Variants in DMD observed in about 807,000 individuals in gnomAD.
DMD encodes the protein mutant dystrophin.
In DMD, 63 loss-of-function variants were observed where a neutral mutation model predicts 330.1. That is an observed-to-expected ratio of 0.19 (90% confidence interval 0.16 to 0.24). The LOEUF (loss-of-function observed/expected upper bound fraction) is 0.24, where lower values mean the gene tolerates loss of function less well. Ranked by LOEUF, DMD falls within the 10% of genes least tolerant of loss-of-function variation. DMD has a pLI of 1.00. For synonymous variants in DMD, 1,223 were observed against 959.8 expected (o/e 1.27, Z -5.07); for missense variants, 3,344 against 2,684.1 (o/e 1.25, Z -5.43).
chrX:31,743,197 A>G (rs1050745752), intron 51 of DMD, among the ~76,000 whole-genome samples: 5 of 112,356 alleles, frequency 4.5e-5, no homozygotes, highest in African/African-American at 1.6e-4. Flanking sequence ...CAAAAAAATG[A>G]CAGATGCTGC....
chrX:32,295,119 A>C (rs1013871755), intron 42 of DMD, among the ~76,000 whole-genome samples: 8 of 111,877 alleles, frequency 7.2e-5, no homozygotes, highest in Non-Finnish European at 1.5e-4. Flanking sequence ...CCACTTCACT[A>C]TTCCGCTGAA....
intron 44 of DMD, among the ~76,000 whole-genome samples, chrX:32,067,766 C>A (rs2096269247): frequency 8.9e-6 from 1 of 111,867 alleles, no homozygotes; most frequent in African/African-American, 3.2e-5. Context: ...TTGACGGACA[C>A]CTATGTTGAT....
chrX:32,558,933 A>ATTTT (rs1569199318), intron 16 of DMD, among the ~76,000 whole-genome samples: 6 of 64,315 alleles, frequency 9.3e-5, no homozygotes, highest in Non-Finnish European at 1.1e-4. Context: ...GTAACTTCAA[A>ATTTT]TTTTCTTTTT....
At chrX:32,389,402 T>C (rs1291668810) in intron 32 of DMD, 99 bp downstream of exon 32, 2 of 933,866 alleles carry the variant, frequency 2.1e-6, no homozygotes, top group African/African-American at 2.0e-5. Flanking sequence ...GTATAATTAT[T>C]ATGGTTATCT....
intron 14 of DMD, 48 bp from the exon 15 acceptor site, chrX:32,573,685 A>G (rs748863056): frequency 8.4e-7 from 1 of 1,196,115 alleles, no homozygotes; most frequent in East Asian, 3.0e-5. Flanking sequence ...ATAAATCTTT[A>G]CTTTTCCAAT....
intron 44 of DMD, among the ~76,000 whole-genome samples, chrX:32,068,393 T>TTTTTTTTTTTA (rs2096274604): frequency 1.1e-5 from 1 of 95,200 alleles, no homozygotes; most frequent in African/African-American, 4.3e-5. Flanking sequence ...TTTTTTTTTT[T>TTTTTTTTTTTA]TTTGCAATTG....
chrX:33,054,068 T>C (rs1293951952), intron 1 of DMD, among the ~76,000 whole-genome samples: 1 of 111,841 alleles, frequency 8.9e-6, no homozygotes, highest in Non-Finnish European at 1.9e-5. Context: ...GAAGGGAACG[T>C]GGCAAATAAA....
intron 4 of DMD, among the ~76,000 whole-genome samples, chrX:32,830,287 CTCTTT>C (rs896052502): frequency 1.8e-5 from 2 of 111,289 alleles, no homozygotes; most frequent in African/African-American, 3.3e-5. Flanking sequence ...ACAGTAACTT[CTCTTT>C]TATGTTTTTT....
At chrX:31,626,011 G>A (rs1204246749) in intron 55 of DMD, among the ~76,000 whole-genome samples, 1 of 110,937 alleles carries the variant, frequency 9.0e-6, no homozygotes, top group Non-Finnish European at 1.9e-5. Flanking sequence ...TTGAGATGAA[G>A]TCTCACTTTG....
At chrX:32,868,964 C>A (rs1430573102) in intron 2 of DMD, among the ~76,000 whole-genome samples, 2 of 111,652 alleles carry the variant, frequency 1.8e-5, no homozygotes, top group Non-Finnish European at 3.8e-5. Flanking sequence ...CCACCCCCAA[C>A]AGCAGTCGCT....
At chrX:32,028,040 G>T (rs1299624162) in intron 44 of DMD, among the ~76,000 whole-genome samples, 1 of 112,246 alleles carries the variant, frequency 8.9e-6, no homozygotes, top group East Asian at 2.8e-4. Flanking sequence ...GAGAGGGAGG[G>T]AGAGCCAGTG....
intron 1 of DMD, among the ~76,000 whole-genome samples, chrX:33,230,135 A>ATC (rs200657775): frequency 0.033 from 3,749 of 112,408 alleles, 164 homozygotes; most frequent in African/African-American, 0.11. Flanking sequence ...CCATATGTGT[A>ATC]TGATGTTGAA....
intron 1 of DMD, among the ~76,000 whole-genome samples, chrX:33,246,916 C>A (rs1258393638): frequency 9.0e-6 from 1 of 110,828 alleles, no homozygotes; most frequent in Non-Finnish European, 1.9e-5. Context: ...GAACTCCTGA[C>A]CTCATGATCT....
intron 45 of DMD, among the ~76,000 whole-genome samples, chrX:31,967,297 GGTGTGTGTGTGTGTGT>G (rs746437287): frequency 0.19 from 14,299 of 74,427 alleles, 1,227 homozygotes; most frequent in African/African-American, 0.3. Flanking sequence ...TTTGGCAAGG[GGTGTGTGTGTGTGTGT>G]GTGTGTGTGT....
chrX:31,189,361 G>C (rs1256981069), intron 67 of DMD, among the ~76,000 whole-genome samples: 2 of 111,102 alleles, frequency 1.8e-5, no homozygotes, highest in Non-Finnish European at 3.8e-5. Context: ...TTTTGCTGTT[G>C]AGATACAGCA....
Position 31,146,425 on chromosome X carries a change from C to G in DMD, c.10798-11G>C. ...GGCCTCTGCCTGGGGCTAAGTCATC[C>G]AAAAGAAAACAGAATTACTTTTCAT... On this transcript the variant is annotated splice_polypyrimidine_tract_variant and intron_variant, in intron 75 of 78. Coordinates refer to ENST00000357033, the MANE Select transcript of DMD (RefSeq NM_004006.3). 8.3e-7 allele frequency: 1 copy of G among 1,203,890 alleles called. No homozygotes were observed. Among genetic ancestry groups the G allele is most frequent in the Non-Finnish European group, 1.1e-6 (1 of 889,871 alleles).
chrX:31,513,483 G>A (rs1430047308), intron 55 of DMD, among the ~76,000 whole-genome samples: 1 of 110,945 alleles, frequency 9.0e-6, no homozygotes, highest in Non-Finnish European at 1.9e-5. Context: ...TTGATATGGA[G>A]AATCAAGTGG....
At chrX:32,279,029 A>C (rs1481534722) in intron 43 of DMD, among the ~76,000 whole-genome samples, 6 of 112,319 alleles carry the variant, frequency 5.3e-5, no homozygotes, top group Non-Finnish European at 9.4e-5. Context: ...TCTCAAAAGA[A>C]GACATACAAA....
intron 9 of DMD, among the ~76,000 whole-genome samples, chrX:32,662,757 A>G (rs1325288308): frequency 8.9e-6 from 1 of 111,952 alleles, no homozygotes; most frequent in African/African-American, 3.2e-5. Context: ...CAAAGGATGG[A>G]AAGGCTGCAG....
Sources: gnomAD v4.1 joint callset for allele counts (sites outside exome capture counted in the v4.1 genomes callset) on GRCh38, gnomAD v4.1.1 for gene constraint, MANE v1.5 for transcripts, NCBI Gene and HGNC (gene_info 2026-07-23, HGNC 2026-07-21) for gene names.